Variants in VPS13B observed in about 807,000 individuals in gnomAD.
VPS13B encodes the protein vacuolar protein sorting 13 homolog B.
A neutral mutation model predicts 426.4 loss-of-function variants in VPS13B; 285 were observed. That is an observed-to-expected ratio of 0.67 (90% CI 0.61 to 0.74). VPS13B has a LOEUF of 0.74. Ranked by LOEUF, VPS13B falls within the 30% of genes least tolerant of loss-of-function variation. The pLI is 0.00. For synonymous variants in VPS13B, 1,676 were observed against 1,676.4 expected (o/e 1.00, Z 0.01); for missense variants, 4,537 against 4,782.6 (o/e 0.95, Z 1.51).
At chr8:99,090,321 G>C (rs1476930370) in intron 3 of VPS13B, among the ~76,000 whole-genome samples, 1 of 149,402 alleles carries the variant, frequency 6.7e-6, no homozygotes, top group African/African-American at 2.5e-5. Context: ...AGGCAGGAGT[G>C]CAGTGGTGCG....
At chr8:99,023,358 T>C (rs138127799) in intron 2 of VPS13B, among the ~76,000 whole-genome samples, 1 of 152,348 alleles carries the variant, frequency 6.6e-6, no homozygotes, top group East Asian at 1.9e-4. Context: ...CTTTCTGTGC[T>C]TGACTTATTT....
chr8:99,060,232 C>T (rs1450755449), intron 3 of VPS13B, among the ~76,000 whole-genome samples: 1 of 152,068 alleles, frequency 6.6e-6, no homozygotes, highest in Non-Finnish European at 1.5e-5. Context: ...CAGCTTGTGT[C>T]TAGATCCTAG....
intron 25 of VPS13B, among the ~76,000 whole-genome samples, chr8:99,495,819 T>G (rs1820853126): frequency 6.6e-6 from 1 of 152,198 alleles, no homozygotes; most frequent in South Asian, 2.1e-4. Flanking sequence ...TTTTTTGAAT[T>G]TCTTAAATTT....
chr8:99,464,263 A>G (rs1818987107), intron 23 of VPS13B, among the ~76,000 whole-genome samples: 1 of 152,174 alleles, frequency 6.6e-6, no homozygotes. Flanking sequence ...GACTAAGGTA[A>G]TGAAAACAAA....
chr8:99,134,561 A>T, intron 8 of VPS13B, 71 bp from the exon 9 acceptor site: 1 of 1,253,732 alleles, frequency 8.0e-7, no homozygotes, highest in Non-Finnish European at 1.1e-6. Context: ...TTAATCAATT[A>T]ATCATCATAA....
Position 99,875,857 on chromosome 8 carries a change from C to T in VPS13B, c.*191C>T. The T allele has an allele frequency of 1.5e-6, 1 of 685,758 alleles. No homozygotes were observed. The highest frequency in any genetic ancestry group is 2.7e-5 in the East Asian group (1 of 36,452). 42.5% of individuals were successfully genotyped at this position (685,758 alleles called of 1,614,324 possible). ...GGCTGCATTTTGCCACCATAAAGGG[C>T]TGCATTTTTTTAAAAAGCCTAGGCA... On this transcript the variant is annotated 3_prime_UTR_variant, in exon 62 of 62. Coordinates refer to ENST00000357162, the MANE Select transcript of VPS13B (RefSeq NM_152564.5).
chr8:99,091,130 G>A (rs1846124059), intron 3 of VPS13B, among the ~76,000 whole-genome samples: 1 of 152,168 alleles, frequency 6.6e-6, no homozygotes, highest in African/African-American at 2.4e-5. Flanking sequence ...CATGGGTCGG[G>A]GGCTATGTGG....
intron 31 of VPS13B, among the ~76,000 whole-genome samples, chr8:99,563,652 C>A (rs1019055971): frequency 2.0e-5 from 3 of 151,988 alleles, no homozygotes; most frequent in African/African-American, 7.2e-5. Context: ...GGGAGCATTC[C>A]GAAGAAGGAA....
intron 25 of VPS13B, among the ~76,000 whole-genome samples, chr8:99,498,113 C>T (rs1187687261): frequency 6.6e-6 from 1 of 151,978 alleles, no homozygotes; most frequent in Non-Finnish European, 1.5e-5. Context: ...TTATTGGCTA[C>T]TTGATTTTTA....
intron 17 of VPS13B, among the ~76,000 whole-genome samples, chr8:99,242,359 T>A (rs1055549148): frequency 1.3e-5 from 2 of 152,234 alleles, no homozygotes; most frequent in African/African-American, 4.8e-5. Flanking sequence ...TTTTACTGTA[T>A]TTGAAATATA....
At chr8:99,650,857 A>T (rs1829786912) in intron 34 of VPS13B, among the ~76,000 whole-genome samples, 1 of 152,208 alleles carries the variant, frequency 6.6e-6, no homozygotes, top group South Asian at 2.1e-4. Flanking sequence ...ATAGATCAAA[A>T]GTATTCCAAA....
At chr8:99,818,946 AG>A in intron 47 of VPS13B, 58 bp downstream of exon 47, 1 of 860,084 alleles carries the variant, frequency 1.2e-6, no homozygotes, top group East Asian at 5.6e-5. Flanking sequence ...TAAGTAGAAA[AG>A]TAACCTTGCA....
intron 54 of VPS13B, among the ~76,000 whole-genome samples, chr8:99,848,254 T>C (rs1363677143): frequency 6.6e-6 from 1 of 152,258 alleles, no homozygotes; most frequent in Non-Finnish European, 1.5e-5. Flanking sequence ...TCTAACATTC[T>C]TGTTACGAGT....
At chr8:99,725,418 T>C (rs1833304020) in intron 39 of VPS13B, among the ~76,000 whole-genome samples, 1 of 152,130 alleles carries the variant, frequency 6.6e-6, no homozygotes. Flanking sequence ...GCAAACCCTA[T>C]TGTGAACTGC....
At chr8:99,482,259 C>A (rs564812941) in intron 25 of VPS13B, among the ~76,000 whole-genome samples, 2 of 152,124 alleles carry the variant, frequency 1.3e-5, no homozygotes, top group Non-Finnish European at 2.9e-5. Context: ...AAAAGCTTTT[C>A]TTTTTATTTT....
At chr8:99,707,582 T>C (rs566329413) in intron 36 of VPS13B, among the ~76,000 whole-genome samples, 33 of 152,332 alleles carry the variant, frequency 2.2e-4, no homozygotes, top group African/African-American at 5.5e-4. Context: ...CTATACCAAC[T>C]TGATACAATT....
At chr8:99,739,499 A>G (rs1833978394) in intron 39 of VPS13B, among the ~76,000 whole-genome samples, 1 of 152,218 alleles carries the variant, frequency 6.6e-6, no homozygotes, top group Non-Finnish European at 1.5e-5. Flanking sequence ...ACACAGCCAG[A>G]TATCTGAGAA....
intron 17 of VPS13B, among the ~76,000 whole-genome samples, chr8:99,262,234 T>C (rs1818079995): frequency 6.6e-6 from 1 of 152,242 alleles, no homozygotes; most frequent in Non-Finnish European, 1.5e-5. Context: ...TCAGTGGTTA[T>C]ATTTTATGTT....
chr8:99,678,379 C>T (rs1010126615), intron 35 of VPS13B, among the ~76,000 whole-genome samples: 4 of 152,082 alleles, frequency 2.6e-5, no homozygotes, highest in African/African-American at 9.7e-5. Flanking sequence ...ACTTCAGATT[C>T]TCTTATTTAC....
Sources: gnomAD v4.1 joint callset for allele counts (sites outside exome capture counted in the v4.1 genomes callset) on GRCh38, gnomAD v4.1.1 for gene constraint, MANE v1.5 for transcripts, NCBI Gene and HGNC (gene_info 2026-07-23, HGNC 2026-07-21) for gene names.